The following PPP1R12A variants were observed in gnomAD, a reference collection of about 807,000 sequenced individuals.
PPP1R12A encodes the protein protein phosphatase 1 regulatory subunit 12A, also known as myosin binding subunit.
PPP1R12A carries 19 observed loss-of-function variants against 139.6 expected under a neutral mutation model. The observed-to-expected ratio is 0.14, with a 90% confidence interval of 0.09 to 0.20. The LOEUF is 0.20. PPP1R12A is among the 10% of genes least tolerant of loss of function. The probability of loss-of-function intolerance (pLI) is 1.00; values close to 1 mark genes in which losing one functional copy is unlikely to be tolerated. For synonymous variants in PPP1R12A, 427 were observed against 420.6 expected, an observed-to-expected ratio of 1.02 and a Z score of -0.19; for missense variants, 925 against 1,211.5, an observed-to-expected ratio of 0.76 and a Z score of 3.51.
intron 14 of PPP1R12A, among the ~76,000 whole-genome samples, chr12:79,804,284 C>A (rs1873553881): frequency 6.6e-6 from 1 of 151,920 alleles, no homozygotes; most frequent in Non-Finnish European, 1.5e-5. Flanking sequence ...AGAAGCACTA[C>A]AACAACCTAA....
chr12:79,788,723 T>C lies in PPP1R12A; in HGVS notation c.2727A>G (p.Gly909=), dbSNP rs776193434. 4 of 1,613,222 alleles carry C rather than the reference T, an allele frequency of 2.5e-6. No homozygotes were observed. The African/African-American group carries it at 5.3e-5, about 22-fold the overall frequency. The part of the protein sequence containing the change: ...DRYDSLLGRS[G]SYSYLEERKP... ...TTCTTTCTTCTAAGTAACTGTATGA[T>C]CCAGAGCGACCCAGCAAGGAATCAT... Residue 909 remains glycine (G), a synonymous_variant, in exon 21 of 25, where the codon GGA becomes GGG. Coordinates refer to ENST00000450142, the MANE Select transcript of PPP1R12A (RefSeq NM_002480.3).
chr12:79,807,535 A>T (rs989326941), intron 11 of PPP1R12A, among the ~76,000 whole-genome samples: 3 of 152,048 alleles, frequency 2.0e-5, no homozygotes, highest in Non-Finnish European at 4.4e-5. Flanking sequence ...ATGGGGGAAA[A>T]TTCAGATATT....
chr12:79,919,106 C>CT (rs1369228224), intron 1 of PPP1R12A, among the ~76,000 whole-genome samples: 2 of 151,226 alleles, frequency 1.3e-5, no homozygotes, highest in African/African-American at 4.9e-5. Flanking sequence ...AGACTCTTGT[C>CT]TTAAAAAAAA....
intron 1 of PPP1R12A, among the ~76,000 whole-genome samples, chr12:79,905,899 A>G (rs538496941): frequency 6.6e-6 from 1 of 152,332 alleles, no homozygotes; most frequent in Non-Finnish European, 1.5e-5. Context: ...AGAGTAAAAC[A>G]GACTCACATT....
At chr12:79,836,060 A>AG (rs1477974310) in intron 3 of PPP1R12A, among the ~76,000 whole-genome samples, 1 of 152,208 alleles carries the variant, frequency 6.6e-6, no homozygotes, top group Non-Finnish European at 1.5e-5. Flanking sequence ...AGAGATTATA[A>AG]TATCTCATTA....
Position 79,773,906 on chromosome 12 carries a change from G to C in PPP1R12A, c.*2023C>G, listed in dbSNP as rs2136950813. ...TGGGTTTTGCAACTAGTTTCATGCA[G>C]AAACAAGGTCTGCTCAATACTACCA... On this transcript the variant is annotated 3_prime_UTR_variant, in exon 25 of 25. Transcript: ENST00000450142. The C allele has an allele frequency of 6.6e-6, 1 of 152,200 alleles. No individual in the cohort carries two copies. Among genetic ancestry groups the C allele is most frequent in the Non-Finnish European group, 1.5e-5 (1 of 67,986 alleles). The allele number at this position is 152,200 out of a possible 1,614,324, so 9.4% of individuals were successfully genotyped here.
chr12:79,794,855 A>G (rs1204510085), intron 18 of PPP1R12A, among the ~76,000 whole-genome samples: 1 of 152,114 alleles, frequency 6.6e-6, no homozygotes, highest in African/African-American at 2.4e-5. Context: ...TCTTATAAAC[A>G]TAACAGTTAT....
At chr12:79,829,479 T>C (rs1877162179) in intron 4 of PPP1R12A, among the ~76,000 whole-genome samples, 1 of 152,108 alleles carries the variant, frequency 6.6e-6, no homozygotes, top group African/African-American at 2.4e-5. Flanking sequence ...GGGCTTGTTT[T>C]TTAAAAATAG....
rs185144066 is a variant in PPP1R12A at position 79,932,768 on chromosome 12, G to C, written c.237+1927C>G. Among the ~76,000 whole-genome samples the C allele has an allele frequency of 2.4e-4, 37 of 152,246 alleles. 1 individual carries two copies. Among genetic ancestry groups the C allele is most frequent in the Admixed American group, 2.2e-3 (34 of 15,296 alleles). On this transcript the variant is annotated intron_variant, in intron 1 of 24. Transcript: ENST00000450142. ...AAAGATCTTAAGAAGGCAGTTAAATGTATTTTCTCTTCCTCCCTAAACCAG... is the reference window on the plus strand; with the variant it reads ...AAAGATCTTAAGAAGGCAGTTAAATCTATTTTCTCTTCCTCCCTAAACCAG...
intron 1 of PPP1R12A, among the ~76,000 whole-genome samples, chr12:79,909,718 A>C (rs1592814283): frequency 1.9e-5 from 2 of 104,424 alleles, no homozygotes; most frequent in Admixed American, 1.2e-4. Flanking sequence ...TGGTGACAGA[A>C]CTCCGTCTTA....
chr12:79,789,499 A>C (rs1459365183), intron 20 of PPP1R12A: 1 of 319,850 alleles, frequency 3.1e-6, no homozygotes, highest in Non-Finnish European at 6.1e-6. Context: ...AATAAAGTAT[A>C]TCCAAAGTGA....
intron 1 of PPP1R12A, among the ~76,000 whole-genome samples, chr12:79,930,412 G>A (rs946103907): frequency 6.6e-6 from 1 of 152,062 alleles, no homozygotes; most frequent in African/African-American, 2.4e-5. Context: ...ACAGCAATAT[G>A]CATGCTAGAT....
chr12:79,786,824 T>C (rs1417567681), intron 21 of PPP1R12A: 2 of 158,724 alleles, frequency 1.3e-5, no homozygotes, highest in East Asian at 3.7e-4. Context: ...TGATCTTTAT[T>C]TGGAGTCCGT....
intron 1 of PPP1R12A, among the ~76,000 whole-genome samples, chr12:79,907,482 T>G (rs1565810375): frequency 6.6e-6 from 1 of 152,204 alleles, no homozygotes; most frequent in Non-Finnish European, 1.5e-5. Flanking sequence ...GTGGGATATT[T>G]TCTTGGGAGG....
intron 3 of PPP1R12A, among the ~76,000 whole-genome samples, chr12:79,839,394 T>G (rs1878446787): frequency 6.6e-6 from 1 of 152,018 alleles, no homozygotes; most frequent in African/African-American, 2.4e-5. Flanking sequence ...GAGTTAAGAC[T>G]CTGGGGGACT....
intron 23 of PPP1R12A, 112 bp downstream of exon 23, chr12:79,781,703 T>G (rs984878151): frequency 1.1e-4 from 63 of 559,178 alleles, no homozygotes; most frequent in Non-Finnish European, 1.8e-4. Flanking sequence ...CAATAAATAT[T>G]TAAACTAATT....
At chr12:79,890,737 A>G (rs968679412) in intron 1 of PPP1R12A, among the ~76,000 whole-genome samples, 1 of 151,028 alleles carries the variant, frequency 6.6e-6, no homozygotes. Flanking sequence ...ACCGTTTTAA[A>G]AGAGAGCCAA....
intron 3 of PPP1R12A, among the ~76,000 whole-genome samples, chr12:79,838,913 C>T (rs10735431): frequency 0.91 from 139,112 of 152,228 alleles, 63,859 homozygotes; most frequent in Middle Eastern, 0.95. Flanking sequence ...TACTGCCTAG[C>T]GCAGCCATGA....
intron 1 of PPP1R12A, among the ~76,000 whole-genome samples, chr12:79,903,492 G>A (rs1885826518): frequency 6.6e-6 from 1 of 151,854 alleles, no homozygotes; most frequent in African/African-American, 2.4e-5. Flanking sequence ...CAGGCTATGT[G>A]TATGAGGTAC....
Sources: allele counts gnomAD v4.1 joint callset (sites outside exome capture counted in the v4.1 genomes callset), GRCh38; gene constraint gnomAD v4.1.1; transcripts MANE v1.5; gene names NCBI Gene and HGNC (gene_info 2026-07-23, HGNC 2026-07-21).